The following ALLC variants were observed in gnomAD, a reference collection of about 807,000 sequenced individuals.
The protein encoded by ALLC is probable inactive allantoicase.
In ALLC, 40 loss-of-function variants were observed where a neutral mutation model predicts 45.0. The observed-to-expected ratio is 0.89, with a 90% CI of 0.69 to 1.16. The LOEUF (loss-of-function observed/expected upper bound fraction) is 1.16. Among genes scored for constraint, ALLC ranks in the 50% most tolerant of loss-of-function variants. ALLC has a pLI of 0.00. For missense variants in ALLC, 488 were observed against 493.1 expected (o/e 0.99, Z 0.10); for synonymous variants, 176 against 178.1 (o/e 0.99, Z 0.09).
At chr2:3,647,190 A>G in the ALLC span, among the ~76,000 whole-genome samples, 2 of 152,158 alleles carry the variant, frequency 1.3e-5, no homozygotes, top group Admixed American at 1.3e-4. Flanking sequence ...TGTAATTGGT[A>G]ATATGTTCAA....
intron 1 of ALLC, among the ~76,000 whole-genome samples, chr2:3,669,517 A>G (rs1247918393): frequency 1.3e-5 from 2 of 151,874 alleles, no homozygotes. Flanking sequence ...GCGTGGTGGC[A>G]GGCACCTGTA....
At chr2:3,700,335 GCTGA>G (rs1162465522) in intron 10 of ALLC, among the ~76,000 whole-genome samples, 1 of 152,148 alleles carries the variant, frequency 6.6e-6, no homozygotes, top group African/African-American at 2.4e-5. Flanking sequence ...TTTCAATGTG[GCTGA>G]CTGAGGGTCA....
chr2:3,697,375 C>A lies in ALLC; in HGVS notation c.769C>A (p.Pro257Thr), dbSNP rs1667701769. The change falls in exon 10 of 12, where the codon CCG becomes ACG. Residue 257 changes from proline to threonine, a missense_variant. Pro to Thr is a conservative substitution (Grantham distance 38, BLOSUM62 -1). Transcript: ENST00000252505. ...TGATGAGAATGGCATTCTCTTGGTT[C>A]CGGGTTGTGAATGGGCAGTTTTCCG... ...ENDENGILLV[P>T]GCEWAVFRLA... is the part of the protein sequence containing the mutation. 2.5e-6 allele frequency: 4 copies of A among 1,613,734 alleles called. No individual in the cohort carries two copies. Among genetic ancestry groups the A allele is most frequent in the African/African-American group, 1.3e-5 (1 of 74,900 alleles).
upstream of ALLC, among the ~76,000 whole-genome samples, chr2:3,655,103 G>A (rs756969584): frequency 1.3e-4 from 20 of 152,242 alleles, no homozygotes; most frequent in Non-Finnish European, 2.9e-4. Flanking sequence ...GGTGGGGTCA[G>A]CTCCGTGCTG....
rs1055503829 is a variant in ALLC, at chr2:3,696,346, GAAGT to G, written c.741+2_741+5del. 6.2e-7 allele frequency: 1 copy of G among 1,608,920 alleles called. No individual in the cohort carries two copies. Among genetic ancestry groups the G allele is most frequent in the African/African-American group, 1.3e-5 (1 of 74,714 alleles). ...AAGGCTGGACCGGCCACCAATATTA[GAAGT>G]AAGAAGTTAAAAATAACTATGGTTT... On this transcript the variant is annotated splice_donor_variant and coding_sequence_variant, in exon 9 of 12. Transcript: ENST00000252505. LOFTEE classifies it high-confidence loss of function.
At chr2:3,654,351 A>G (rs920403999), upstream of ALLC, among the ~76,000 whole-genome samples, 6 of 152,374 alleles carry the variant, frequency 3.9e-5, no homozygotes, top group African/African-American at 1.2e-4. Flanking sequence ...CAACGGCTGC[A>G]GTGGCTTTGA....
At chr2:3,677,314 G>A (rs1247486269) in intron 3 of ALLC, among the ~76,000 whole-genome samples, 9 of 152,200 alleles carry the variant, frequency 5.9e-5, no homozygotes, top group Non-Finnish European at 8.8e-5. Context: ...GGGCCTTGGA[G>A]GTCTGGGGTT....
At chr2:3,676,345 C>T (rs909322834) in intron 3 of ALLC, among the ~76,000 whole-genome samples, 3 of 152,114 alleles carry the variant, frequency 2.0e-5, no homozygotes, top group East Asian at 1.9e-4. Flanking sequence ...TGCAGTGGCA[C>T]GGTCATGGCT....
intron 9 of ALLC, 134 bp from the exon 10 acceptor site, chr2:3,697,214 C>T: frequency 3.3e-6 from 2 of 613,800 alleles, no homozygotes; most frequent in Non-Finnish European, 5.7e-6. Context: ...ATTTACACAT[C>T]AGGCCACAGG....
intron 1 of ALLC, among the ~76,000 whole-genome samples, chr2:3,669,028 T>G (rs936421581): frequency 1.3e-5 from 2 of 152,130 alleles, no homozygotes; most frequent in African/African-American, 2.4e-5. Context: ...ACTTCCTTCC[T>G]TCTCAGACAG....
the ALLC span, among the ~76,000 whole-genome samples, chr2:3,649,018 G>C: frequency 2.3e-4 from 35 of 152,308 alleles, no homozygotes; most frequent in African/African-American, 7.7e-4. Context: ...GTGCCAGGCA[G>C]TGGTGAACAT....
intron 11 of ALLC, 131 bp downstream of exon 11, chr2:3,701,767 C>G (rs1251224665): frequency 9.0e-7 from 1 of 1,115,982 alleles, no homozygotes; most frequent in African/African-American, 1.6e-5. Context: ...GTTTAAAACC[C>G]CTATCTGCAA....
intron 1 of ALLC, among the ~76,000 whole-genome samples, chr2:3,664,865 CAAAG>C (rs1009229910): frequency 6.8e-6 from 1 of 147,236 alleles, no homozygotes; most frequent in African/African-American, 2.6e-5. Context: ...ACCTGGGCAA[CAAAG>C]AAAGACTCTG....
intron 7 of ALLC, among the ~76,000 whole-genome samples, chr2:3,692,078 C>A (rs2148017122): frequency 6.6e-6 from 1 of 152,318 alleles, no homozygotes. Context: ...TCACAGAGTT[C>A]ATATATCACT....
At chr2:3,663,314 C>T (rs1666621835) in intron 1 of ALLC, among the ~76,000 whole-genome samples, 1 of 152,186 alleles carries the variant, frequency 6.6e-6, no homozygotes, top group Non-Finnish European at 1.5e-5. Context: ...AGCAAACTAA[C>T]ATGGGAACAG....
intron 10 of ALLC, among the ~76,000 whole-genome samples, chr2:3,699,772 A>T (rs1256629176): frequency 1.3e-5 from 2 of 152,098 alleles, no homozygotes; most frequent in Non-Finnish European, 2.9e-5. Flanking sequence ...ATTTTTTCAT[A>T]TGCTTGTTGG....
intron 2 of ALLC, among the ~76,000 whole-genome samples, chr2:3,672,830 G>A (rs66646194): frequency 0.22 from 34,078 of 152,220 alleles, 4,038 homozygotes; most frequent in African/African-American, 0.28. Flanking sequence ...GTGTAATGAG[G>A]GTCACCTGGA....
At chr2:3,652,436 G>A in the ALLC span, among the ~76,000 whole-genome samples, 4 of 152,236 alleles carry the variant, frequency 2.6e-5, no homozygotes, top group Non-Finnish European at 4.4e-5. Context: ...AGGCGTCCAT[G>A]CCTTAGATAC....
rs1313619702 is a variant in ALLC at position 3,680,634 on chromosome 2, G to A, written c.298+640G>A. ...GGGGGAACTTACGGACAGAAGCGTG[G>A]CCTTGGGCAGCAGCGAGATGGGTAA... On this transcript the variant is annotated intron_variant, in intron 5 of 11. Transcript: ENST00000252505. The surrounding 1 kb of genome is among the most constrained non-coding windows in gnomAD (Gnocchi z 4.0). Among the ~76,000 whole-genome samples the A allele has an allele frequency of 6.6e-6, 1 of 152,200 alleles. No individual in the cohort carries two copies. Among genetic ancestry groups the A allele is most frequent in the African/African-American group, 2.4e-5 (1 of 41,446 alleles).
Sources: gnomAD v4.1 joint callset for allele counts (sites outside exome capture counted in the v4.1 genomes callset) on GRCh38, gnomAD v4.1.1 for gene constraint, Gnocchi (gnomAD v3.1) non-coding constraint, MANE v1.5 for transcripts, NCBI Gene and HGNC (gene_info 2026-07-23, HGNC 2026-07-21) for gene names.